ZC3H12B: variants seen among roughly 807,000 people sequenced by gnomAD.
ZC3H12B encodes zinc finger CCCH-type containing 12B.
In ZC3H12B, 7 loss-of-function variants were observed where a neutral mutation model predicts 43.9. The ratio of observed to expected loss-of-function variants is 0.16; its 90% CI spans 0.09 to 0.30. The LOEUF is 0.30. Ranked by LOEUF, ZC3H12B falls within the 10% of genes least tolerant of loss-of-function variation. The pLI is 1.00. For missense variants in ZC3H12B, 475 were observed against 670.2 expected, an observed-to-expected ratio of 0.71 and a Z score of 3.22; for synonymous variants, 222 against 241.7, an observed-to-expected ratio of 0.92 and a Z score of 0.76.
intron 3 of ZC3H12B, among the ~76,000 whole-genome samples, chrX:65,450,722 T>C (rs868356560): frequency 1.0e-4 from 4 of 38,925 alleles, no homozygotes; most frequent in Non-Finnish European, 1.4e-4. Flanking sequence ...TATGTATACA[T>C]ATGTGTATAT....
the ZC3H12B span, among the ~76,000 whole-genome samples, chrX:65,238,392 C>T: frequency 2.5e-4 from 28 of 111,731 alleles, no homozygotes; most frequent in Admixed American, 1.8e-3. Context: ...TAGAGGTGTT[C>T]GTGGTATTCT....
At chrX:65,295,748 A>G in the ZC3H12B span, among the ~76,000 whole-genome samples, 1 of 111,853 alleles carries the variant, frequency 8.9e-6, no homozygotes, top group Non-Finnish European at 1.9e-5. Flanking sequence ...ACAGAAATAC[A>G]AAAGATTATT....
intron 3 of ZC3H12B, among the ~76,000 whole-genome samples, chrX:65,416,608 C>T (rs1388083891): frequency 1.0e-5 from 1 of 99,152 alleles, no homozygotes; most frequent in Non-Finnish European, 1.9e-5. Flanking sequence ...GGTGAAACCC[C>T]GTCTCTACTA....
chrX:65,167,418 C>T, the ZC3H12B span, among the ~76,000 whole-genome samples: 11 of 111,472 alleles, frequency 9.9e-5, no homozygotes, highest in Middle Eastern at 4.2e-3. Context: ...GTTTTGGCAC[C>T]GGTACCATGC....
intron 2 of ZC3H12B, among the ~76,000 whole-genome samples, chrX:65,392,649 G>A (rs1391535124): frequency 9.9e-5 from 11 of 110,574 alleles, no homozygotes; most frequent in South Asian, 3.8e-4. Context: ...CCTCTGCCCG[G>A]CCTCCCCATC....
the ZC3H12B span, among the ~76,000 whole-genome samples, chrX:65,248,173 A>T: frequency 9.1e-6 from 1 of 110,293 alleles, no homozygotes; most frequent in East Asian, 2.9e-4. Flanking sequence ...AGTAGCTGAG[A>T]CCACAGGACC....
At chrX:65,163,540 C>A in the ZC3H12B span, among the ~76,000 whole-genome samples, 6 of 111,542 alleles carry the variant, frequency 5.4e-5, no homozygotes, top group Admixed American at 5.7e-4. Context: ...TGCTTGCAAT[C>A]AGTGAGACTC....
At chrX:65,342,621 A>G in the ZC3H12B span, among the ~76,000 whole-genome samples, 1 of 111,727 alleles carries the variant, frequency 9.0e-6, no homozygotes, top group South Asian at 3.7e-4. Flanking sequence ...GAACACAGAT[A>G]CAACATAGTG....
At chrX:65,329,955 T>C in the ZC3H12B span, among the ~76,000 whole-genome samples, 1 of 112,165 alleles carries the variant, frequency 8.9e-6, no homozygotes, top group Non-Finnish European at 1.9e-5. Flanking sequence ...ACTGTAGACT[T>C]GTAGTATAGT....
chrX:65,455,207 G>A (rs1460461477), intron 3 of ZC3H12B, among the ~76,000 whole-genome samples: 3 of 111,846 alleles, frequency 2.7e-5, no homozygotes, highest in South Asian at 7.3e-4. Context: ...TGAACCCATG[G>A]CAAAGAAGTT....
At chrX:65,241,798 G>T in the ZC3H12B span, among the ~76,000 whole-genome samples, 1 of 111,764 alleles carries the variant, frequency 8.9e-6, no homozygotes, top group African/African-American at 3.2e-5. Flanking sequence ...GTACCATGGA[G>T]GTGGGGCCTA....
the ZC3H12B span, among the ~76,000 whole-genome samples, chrX:65,081,093 A>G: frequency 9.1e-6 from 1 of 109,509 alleles, no homozygotes; most frequent in African/African-American, 3.3e-5. Flanking sequence ...ATAGTTTTGC[A>G]ATCCTAATGG....
chrX:65,204,056 C>T, the ZC3H12B span, among the ~76,000 whole-genome samples: 6 of 112,488 alleles, frequency 5.3e-5, no homozygotes, highest in Non-Finnish European at 1.1e-4. Context: ...ATTGTGTTCT[C>T]TCTCCCTCAA....
chrX:65,345,641 A>G, the ZC3H12B span, among the ~76,000 whole-genome samples: 10 of 111,404 alleles, frequency 9.0e-5, no homozygotes, highest in African/African-American at 1.6e-4. Flanking sequence ...ACACATCCCC[A>G]TGACATGAGT....
chrX:65,139,982 T>G, the ZC3H12B span, among the ~76,000 whole-genome samples: 15 of 111,508 alleles, frequency 1.3e-4, no homozygotes, highest in African/African-American at 4.9e-4. Context: ...CTAAAAGTTT[T>G]TTTTTTGTTG....
At chrX:65,174,818 G>T in the ZC3H12B span, among the ~76,000 whole-genome samples, 1 of 111,801 alleles carries the variant, frequency 8.9e-6, no homozygotes, top group Non-Finnish European at 1.9e-5. Context: ...CTCCATGAAA[G>T]TGGGACCTGC....
the ZC3H12B span, among the ~76,000 whole-genome samples, chrX:65,072,201 C>A: frequency 4.5e-5 from 5 of 112,114 alleles, no homozygotes; most frequent in African/African-American, 6.5e-5. Context: ...GAAAGGCAGT[C>A]TTCAAGCTCT....
the ZC3H12B span, among the ~76,000 whole-genome samples, chrX:65,227,346 C>A: frequency 9.0e-6 from 1 of 111,635 alleles, no homozygotes; most frequent in Non-Finnish European, 1.9e-5. Context: ...ACAACAAAGA[C>A]ACAACATACC....
the ZC3H12B span, among the ~76,000 whole-genome samples, chrX:65,193,475 G>A: frequency 4.5e-4 from 50 of 111,268 alleles, no homozygotes; most frequent in African/African-American, 1.6e-3. Flanking sequence ...TGAAGTATTG[G>A]TTGTAATGTT....
Sources: allele counts gnomAD v4.1 joint callset (sites outside exome capture counted in the v4.1 genomes callset), GRCh38; gene constraint gnomAD v4.1.1; transcripts MANE v1.5; gene names NCBI Gene and HGNC (gene_info 2026-07-23, HGNC 2026-07-21).